Variants in ABCG2 observed in about 807,000 individuals in gnomAD.
ABCG2 encodes broad substrate specificity ATP-binding cassette transporter ABCG2.
ABCG2 carries 80 observed loss-of-function variants against 73.5 expected under a neutral mutation model. That is an observed-to-expected ratio of 1.09 (90% CI 0.91 to 1.31). ABCG2 has a LOEUF of 1.31. Among genes scored for constraint, ABCG2 ranks in the 50% most tolerant of loss-of-function variants. The pLI, the probability that ABCG2 is intolerant of heterozygous loss-of-function variation, is 0.00. For missense variants in ABCG2, 796 were observed against 786.2 expected (o/e 1.01, Z -0.15); for synonymous variants, 269 against 282.4 (o/e 0.95, Z 0.48).
At chr4:88,228,662 C>T (rs1358620012) in intron 1 of ABCG2, among the ~76,000 whole-genome samples, 1 of 152,202 alleles carries the variant, frequency 6.6e-6, no homozygotes, top group Non-Finnish European at 1.5e-5. Context: ...GCCAGCTGGA[C>T]TTCCTGGGTC....
intron 1 of ABCG2, among the ~76,000 whole-genome samples, chr4:88,230,291 T>TTTTATATA (rs1553902187): frequency 1.7e-5 from 1 of 57,908 alleles, no homozygotes; most frequent in African/African-American, 1.0e-4. Flanking sequence ...ACCGCACCTG[T>TTTTATATA]TATATATATA....
At chr4:88,207,414 T>C (rs1729420686) in intron 1 of ABCG2, among the ~76,000 whole-genome samples, 1 of 152,188 alleles carries the variant, frequency 6.6e-6, no homozygotes, top group South Asian at 2.1e-4. Context: ...GTCTCCTTTT[T>C]AACTGAAATC....
At chr4:88,137,012 C>CAATAAAATAA (rs56033368) in intron 2 of ABCG2, among the ~76,000 whole-genome samples, 21,759 of 123,246 alleles carry the variant, frequency 0.18, 2,680 homozygotes, top group Non-Finnish European at 0.25. Flanking sequence ...ACCTCCATCT[C>CAATAAAATAA]AATAAAATAA....
chr4:88,216,719 T>C (rs1729827259), intron 1 of ABCG2, among the ~76,000 whole-genome samples: 1 of 152,144 alleles, frequency 6.6e-6, no homozygotes, highest in Admixed American at 6.5e-5. Context: ...CAGGAATAGC[T>C]ACATATTCTG....
At chr4:88,177,104 G>T (rs1360796028) in intron 1 of ABCG2, among the ~76,000 whole-genome samples, 2 of 152,202 alleles carry the variant, frequency 1.3e-5, no homozygotes, top group African/African-American at 4.8e-5. Context: ...CGGGCGCAGT[G>T]GCTCACGCCT....
intron 1 of ABCG2, among the ~76,000 whole-genome samples, chr4:88,174,251 C>T: frequency 6.6e-6 from 1 of 151,808 alleles, no homozygotes; most frequent in Non-Finnish European, 1.5e-5. Context: ...TTTGCGGTTC[C>T]TATCAACCTG....
At chr4:88,156,584 A>G (rs1726960391) in intron 1 of ABCG2, among the ~76,000 whole-genome samples, 1 of 152,114 alleles carries the variant, frequency 6.6e-6, no homozygotes, top group South Asian at 2.1e-4. Flanking sequence ...AACAGGAGAG[A>G]AGGGTCAACT....
At chr4:88,158,735 C>G, upstream of ABCG2, 1 of 414,764 alleles carries the variant, frequency 2.4e-6, no homozygotes, top group Non-Finnish European at 4.8e-6. Flanking sequence ...CCCGGCGCGC[C>G]CGAGCGCTCC....
rs1001656366 is a variant in ABCG2, at chr4:88,092,255, TAAC to T, written c.1944_1946del (p.Leu649del). On this transcript the variant is annotated inframe_deletion, in exon 16 of 16. Coordinates refer to ENST00000237612, the MANE Select transcript of ABCG2 (RefSeq NM_004827.3). ...AAATTTAAGAATATTTTTTAAGAAA[TAAC>T]AATTTCAGGTAGGCAATTGTGAGGA... 2 of 1,608,750 alleles carry T rather than the reference TAAC, an allele frequency of 1.2e-6. No homozygotes were observed. The highest frequency in any genetic ancestry group is 1.7e-6 in the Non-Finnish European group (2 of 1,177,184).
At chr4:88,183,421 C>T (rs1440401386) in intron 1 of ABCG2, among the ~76,000 whole-genome samples, 1 of 151,908 alleles carries the variant, frequency 6.6e-6, no homozygotes, top group East Asian at 1.9e-4. Context: ...TTCAAAGGAT[C>T]GTTAGAGTCA....
chr4:88,216,728 T>G (rs898070116), intron 1 of ABCG2, among the ~76,000 whole-genome samples: 5 of 152,152 alleles, frequency 3.3e-5, no homozygotes, highest in Non-Finnish European at 5.9e-5. Flanking sequence ...CTACATATTC[T>G]GGATAAAATT....
chr4:88,178,050 TGGACTTGAA>T (rs1173386034), intron 1 of ABCG2, among the ~76,000 whole-genome samples: 2 of 152,094 alleles, frequency 1.3e-5, no homozygotes, highest in Non-Finnish European at 2.9e-5. Flanking sequence ...TCAAAACCAG[TGGACTTGAA>T]GGGCAACATG....
intron 14 of ABCG2, 34 bp downstream of exon 14, chr4:88,095,486 A>T: frequency 1.3e-6 from 2 of 1,556,528 alleles, no homozygotes; most frequent in Non-Finnish European, 1.8e-6. Flanking sequence ...CTAGCTTGGG[A>T]ATGCAGTCAC....
chr4:88,106,997 G>C (rs896470768), intron 10 of ABCG2, among the ~76,000 whole-genome samples, 187 bp downstream of exon 10: 2 of 152,148 alleles, frequency 1.3e-5, no homozygotes, highest in African/African-American at 2.4e-5. Context: ...AGCTGAGATC[G>C]CGTCACTGCA....
intron 1 of ABCG2, among the ~76,000 whole-genome samples, chr4:88,165,797 C>A (rs1727491983): frequency 6.6e-6 from 1 of 152,004 alleles, no homozygotes; most frequent in Non-Finnish European, 1.5e-5. Context: ...TCGCTTGAAC[C>A]CGGGAGGCGG....
Position 88,113,339 on chromosome 4 carries a change from T to C in ABCG2, c.1158A>G (p.Lys386=). 1 of 1,614,176 alleles carries C rather than the reference T, an allele frequency of 6.2e-7. No homozygotes were observed. The highest frequency in any genetic ancestry group is 1.1e-5 in the South Asian group (1 of 91,084). The change falls in exon 9 of 16, where the codon AAA becomes AAG. Residue 386 remains lysine, a synonymous_variant. Coordinates refer to ENST00000237612, the MANE Select transcript of ABCG2 (RefSeq NM_004827.3). ...AGGCCTGGGGATTACCCAGCAAGTT[T>C]TTGAATGAACGCTTGGAAACCCATC... ...QLRWVSKRSF[K]NLLGNPQASI...
intron 1 of ABCG2, among the ~76,000 whole-genome samples, chr4:88,207,279 T>C (rs1197324609): frequency 6.6e-6 from 1 of 151,998 alleles, no homozygotes; most frequent in Non-Finnish European, 1.5e-5. Flanking sequence ...ATTACATGAG[T>C]TCAATTGGAC....
chr4:88,133,086 C>T (rs980271068), intron 2 of ABCG2, among the ~76,000 whole-genome samples: 53 of 152,192 alleles, frequency 3.5e-4, no homozygotes, highest in African/African-American at 1.3e-3. Flanking sequence ...AAATAACTAA[C>T]AGATTCTTGT....
rs1376744646 is a variant in ABCG2 at position 88,131,871 on chromosome 4, C to G, written c.310G>C (p.Gly104Arg). The G allele has an allele frequency of 6.2e-7, 1 of 1,613,954 alleles. No homozygotes were observed. Among genetic ancestry groups the G allele is most frequent in the Non-Finnish European group, 8.5e-7 (1 of 1,179,958 alleles). The change falls in exon 4 of 16, where the codon GGA becomes CGA. Residue 104 changes from glycine to arginine, a missense_variant. Transcript: ENST00000237612. The part of the protein sequence containing the change: ...AARKDPSGLS[G>R]DVLINGAPRP... Reference sequence around the variant, plus strand: ...GGTGCTCCATTTATCAGAACATCTCCAGATAATCCACTTGGATCTTTCCTT... The same window carrying G: ...GGTGCTCCATTTATCAGAACATCTCGAGATAATCCACTTGGATCTTTCCTT...
Sources: gnomAD v4.1 joint callset for allele counts (sites outside exome capture counted in the v4.1 genomes callset) on GRCh38, gnomAD v4.1.1 for gene constraint, MANE v1.5 for transcripts, NCBI Gene and HGNC (gene_info 2026-07-23, HGNC 2026-07-21) for gene names.